The following SRGAP3 variants were observed in gnomAD, a reference collection of about 807,000 sequenced individuals.
SRGAP3 encodes SLIT-ROBO Rho GTPase-activating protein 3.
A neutral mutation model predicts 121.1 loss-of-function variants in SRGAP3; 39 were observed. That is an observed-to-expected ratio of 0.32 (90% CI 0.25 to 0.42). SRGAP3 has a LOEUF of 0.42. Among genes scored for constraint, SRGAP3 ranks in the 10% least tolerant of loss-of-function variants. The pLI, the probability that SRGAP3 is intolerant of heterozygous loss-of-function variation, is 1.00. For synonymous variants in SRGAP3, 601 were observed against 570.0 expected (o/e 1.05, Z -0.77); for missense variants, 1,213 against 1,470.6 (o/e 0.82, Z 2.86).
chr3:9,236,609 T>C (rs146155273), intron 1 of SRGAP3, among the ~76,000 whole-genome samples: 2 of 151,826 alleles, frequency 1.3e-5, no homozygotes, highest in Non-Finnish European at 2.9e-5. Context: ...ACTCCTGCCA[T>C]GTAAGATGTG....
At chr3:9,248,247 T>C (rs1434188135) in intron 1 of SRGAP3, among the ~76,000 whole-genome samples, 1 of 152,192 alleles carries the variant, frequency 6.6e-6, no homozygotes, top group Non-Finnish European at 1.5e-5. Context: ...CACTGCGAGA[T>C]AATACATTTT....
intron 2 of SRGAP3, among the ~76,000 whole-genome samples, chr3:9,111,657 C>T (rs942683085): frequency 2.0e-5 from 3 of 152,208 alleles, no homozygotes; most frequent in Admixed American, 2.0e-4. Context: ...AAAACTTGAG[C>T]CTCTGCCTTC....
At chr3:9,023,809 T>C (rs567241936) in intron 14 of SRGAP3, among the ~76,000 whole-genome samples, 3 of 152,224 alleles carry the variant, frequency 2.0e-5, no homozygotes, top group East Asian at 1.9e-4. Context: ...CCCGAGATCC[T>C]TGAGGAGGCT....
At chr3:9,029,913 G>A (rs892911264) in intron 12 of SRGAP3, among the ~76,000 whole-genome samples, 26 of 151,272 alleles carry the variant, frequency 1.7e-4, no homozygotes, top group Admixed American at 6.6e-5. Flanking sequence ...AGGCCCTTGG[G>A]AAGGATCCCT....
intron 1 of SRGAP3, among the ~76,000 whole-genome samples, chr3:9,179,330 G>T (rs1164168734): frequency 6.6e-6 from 1 of 152,236 alleles, no homozygotes; most frequent in Non-Finnish European, 1.5e-5. Flanking sequence ...TAAGTTTGAA[G>T]CCTGGCTCTG....
In SRGAP3 at chr3:9,203,646, A is replaced by G. The variant is rs561563328; in HGVS notation, c.67+45239T>C. Among the ~76,000 whole-genome samples, 6 of 152,160 alleles carry G rather than the reference A, an allele frequency of 3.9e-5. No homozygotes were observed. In the South Asian group the frequency reaches 8.3e-4, roughly 21 times the overall value. Reference sequence around the variant, plus strand: ...TGTCTGCTTTTTGTCTTTCCCTTATATTGGCCCCTGAGCTATAAGGGGATG... The same window carrying G: ...TGTCTGCTTTTTGTCTTTCCCTTATGTTGGCCCCTGAGCTATAAGGGGATG... On this transcript the variant is annotated intron_variant, in intron 1 of 21. Transcript: ENST00000383836.
Position 8,990,543 on chromosome 3 carries a change from T to C in SRGAP3, c.2855A>G (p.His952Arg). ...CAGGGCCTCGGCCTCCAGGGACTTG[T>C]GGTCCCCTAGGCTGCTGTGCCTGGT... ...GSTRHSSLGD[H>R]KSLEAEALAE... Residue 952 changes from histidine (H) to arginine (R), a missense_variant, in exon 21 of 22, where the codon CAC (histidine) becomes CGC (arginine). Physicochemically the swap from His to Arg is conservative, Grantham distance 29. This residue lies in a region of SRGAP3 where 420 missense variants were observed against 437.7 expected (regional missense o/e 0.96). Transcript: ENST00000383836. The C allele has an allele frequency of 6.4e-7, 1 of 1,570,030 alleles. No homozygotes were observed. The highest frequency in any genetic ancestry group is 2.3e-5 in the East Asian group (1 of 42,632).
intron 4 of SRGAP3, among the ~76,000 whole-genome samples, chr3:9,067,759 G>T (rs866001336): frequency 2.8e-4 from 43 of 152,198 alleles, no homozygotes; most frequent in Middle Eastern, 3.4e-3. Context: ...GTTTACCTAT[G>T]TAACAAACCT....
chr3:9,069,725 G>A (rs1314066715), intron 4 of SRGAP3, among the ~76,000 whole-genome samples: 3 of 152,194 alleles, frequency 2.0e-5, no homozygotes, highest in Middle Eastern at 3.2e-3. Context: ...AAGGCGGGCA[G>A]ATCACAAGAT....
At chr3:9,115,753 T>C (rs1948781832) in intron 2 of SRGAP3, among the ~76,000 whole-genome samples, 1 of 152,232 alleles carries the variant, frequency 6.6e-6, no homozygotes, top group South Asian at 2.1e-4. Context: ...ATTTTTGCCA[T>C]TCCTGCACAC....
intron 3 of SRGAP3, among the ~76,000 whole-genome samples, chr3:9,287,314 CA>C (rs1954793589): frequency 6.6e-6 from 1 of 152,132 alleles, no homozygotes; most frequent in South Asian, 2.1e-4. Context: ...TTTTGATCCT[CA>C]TTTCTTCTTG....
In SRGAP3 at chr3:8,993,587, TG is replaced by T. The variant is rs1466370424; in HGVS notation, c.2409-533del. 3.9e-5 allele frequency among the ~76,000 whole-genome samples: 6 copies of T among 152,342 alleles called. No homozygotes were observed. In the South Asian group the frequency reaches 8.3e-4, roughly 21 times the overall value. ...GCCCTCTGCTGTGGTGACTTGTCCC[TG>T]ATCTCAGAGGTCTGGGGACTTCGGG... On this transcript the variant is annotated intron_variant, in intron 19 of 21. Coordinates refer to ENST00000383836, the MANE Select transcript of SRGAP3 (RefSeq NM_014850.4).
intron 7 of SRGAP3, among the ~76,000 whole-genome samples, chr3:9,056,852 A>T (rs750151661): frequency 2.0e-5 from 3 of 151,966 alleles, no homozygotes; most frequent in Non-Finnish European, 4.4e-5. Context: ...GGGCTGGAGG[A>T]GGGGAAGCAC....
At position 9,248,944 on chromosome 3, in the gene SRGAP3, G is replaced by A. The variant is rs774404467; in HGVS notation, c.8C>T (p.Ser3Phe). 3 of 1,614,128 alleles carry A rather than the reference G, an allele frequency of 1.9e-6. No individual in the cohort carries two copies. Among genetic ancestry groups the A allele is most frequent in the Non-Finnish European group, 2.5e-6 (3 of 1,180,004 alleles). Residue 3 changes from serine to phenylalanine, a missense_variant, in exon 1 of 22, where the codon TCT (serine) becomes TTT (phenylalanine). Ser to Phe is a radical substitution (Grantham distance 155). This residue lies in a region of SRGAP3 where 793 missense variants were observed against 1,032.9 expected (regional missense o/e 0.77). Coordinates refer to ENST00000383836, the MANE Select transcript of SRGAP3 (RefSeq NM_014850.4). Reference sequence around the variant, plus strand: ...TTTGTCTTTCTTGAACTTAGTTTGAGATGACATCTTCTGACGTGGCCAAAG... The same window carrying A: ...TTTGTCTTTCTTGAACTTAGTTTGAAATGACATCTTCTGACGTGGCCAAAG... Reference protein sequence around the residue: MSSQTKFKKDKEI... With the variant: MSFQTKFKKDKEI...
At chr3:9,342,350 CAA>C (rs5741610) in intron 1 of SRGAP3, among the ~76,000 whole-genome samples, 111 of 144,684 alleles carry the variant, frequency 7.7e-4, no homozygotes, top group Non-Finnish European at 8.4e-4. Context: ...GACTCCATCT[CAA>C]AAAAAAAAAA....
At chr3:9,217,768 C>T (rs1381394493) in intron 1 of SRGAP3, 2 of 152,096 alleles carry the variant, frequency 1.3e-5, no homozygotes, top group East Asian at 3.9e-4. Context: ...ATCCAGGGAC[C>T]TTTAGGGCAG....
rs1011842887 is a variant in SRGAP3 at position 9,015,909 on chromosome 3, T to G, written c.1679-178A>C. On this transcript the variant is annotated intron_variant, in intron 14 of 21. Coordinates refer to ENST00000383836, the MANE Select transcript of SRGAP3 (RefSeq NM_014850.4). ...GTTTAAAGTTCTCCCTGCAACTTAT[T>G]TGAAAATGTTTAAATCTATAGAAAA... 9.2e-6 allele frequency: 6 copies of G among 654,448 alleles called. No homozygotes were observed. In the African/African-American group the frequency reaches 1.1e-4, roughly 12 times the overall value. The allele number at this position is 654,448 out of a possible 1,614,324, so 40.5% of individuals were successfully genotyped here.
At chr3:9,190,864 G>A (rs1951731951) in intron 1 of SRGAP3, among the ~76,000 whole-genome samples, 1 of 152,120 alleles carries the variant, frequency 6.6e-6, no homozygotes, top group African/African-American at 2.4e-5. Flanking sequence ...GGACCCTTAG[G>A]GGAGGGGAGC....
intron 3 of SRGAP3, among the ~76,000 whole-genome samples, chr3:9,260,554 C>T (rs756392751): frequency 6.6e-6 from 1 of 152,194 alleles, no homozygotes; most frequent in Non-Finnish European, 1.5e-5. Context: ...GATGCGGAAC[C>T]CACTGCGGCG....
Sources: gnomAD v4.1 joint callset for allele counts (sites outside exome capture counted in the v4.1 genomes callset) on GRCh38, gnomAD v4.1.1 for gene constraint, gnomAD v4.1.1 regional missense constraint, MANE v1.5 for transcripts, NCBI Gene and HGNC (gene_info 2026-07-23, HGNC 2026-07-21) for gene names.